The following UNC5D variants were observed in gnomAD, a reference collection of about 807,000 sequenced individuals.
UNC5D encodes netrin receptor UNC5D.
A neutral mutation model predicts 105.4 loss-of-function variants in UNC5D; 39 were observed. That is an observed-to-expected ratio of 0.37 (90% CI 0.29 to 0.48). UNC5D has a LOEUF of 0.48. Among genes scored for constraint, UNC5D ranks in the 20% least tolerant of loss-of-function variants. UNC5D has a pLI of 0.98. For synonymous variants in UNC5D, 452 were observed against 450.4 expected (o/e 1.00, Z -0.04); for missense variants, 991 against 1,202.4 (o/e 0.82, Z 2.60).
chr8:35,608,529 G>A (rs1394779305), intron 4 of UNC5D, among the ~76,000 whole-genome samples: 2 of 152,108 alleles, frequency 1.3e-5, no homozygotes, highest in Non-Finnish European at 2.9e-5. Context: ...TCACCCAAAT[G>A]ACAAGTAATT....
chr8:35,730,930 G>C, intron 10 of UNC5D, 82 bp from the exon 11 acceptor site: 1 of 1,231,028 alleles, frequency 8.1e-7, no homozygotes, highest in South Asian at 1.4e-5. Context: ...TTGTTTTCCA[G>C]GTATCTGTAA....
intron 12 of UNC5D, among the ~76,000 whole-genome samples, chr8:35,749,989 T>TTAAAAAAAAAAAAAA (rs1554600781): frequency 3.7e-5 from 5 of 136,930 alleles, no homozygotes; most frequent in African/African-American, 1.7e-4. Context: ...GAAATAGTTG[T>TTAAAAAAAAAAAAAA]AAAAAAAAAA....
chr8:35,478,211 A>T (rs1228859903), intron 1 of UNC5D, among the ~76,000 whole-genome samples: 1 of 152,116 alleles, frequency 6.6e-6, no homozygotes, highest in Non-Finnish European at 1.5e-5. Flanking sequence ...TTGAATTTTT[A>T]TTTAGAGTAT....
chr8:35,555,875 G>GCACACACACA (rs56788274), intron 2 of UNC5D, among the ~76,000 whole-genome samples: 5 of 134,172 alleles, frequency 3.7e-5, no homozygotes, highest in African/African-American at 5.5e-5. Flanking sequence ...TAAAAAAACA[G>GCACACACACA]CACACACACA....
chr8:35,617,664 A>G (rs1821112340), intron 4 of UNC5D, among the ~76,000 whole-genome samples: 1 of 152,232 alleles, frequency 6.6e-6, no homozygotes, highest in Non-Finnish European at 1.5e-5. Context: ...TCCACGGCAC[A>G]GATTACAGGC....
At chr8:35,373,487 T>C (rs1802534809) in intron 1 of UNC5D, among the ~76,000 whole-genome samples, 2 of 152,192 alleles carry the variant, frequency 1.3e-5, no homozygotes, top group Non-Finnish European at 2.9e-5. Context: ...TTAATAAACA[T>C]CACATAATAT....
intron 1 of UNC5D, among the ~76,000 whole-genome samples, chr8:35,496,672 T>C (rs1238064010): frequency 1.3e-5 from 2 of 152,200 alleles, no homozygotes; most frequent in Admixed American, 6.5e-5. Context: ...CACTTTTAAG[T>C]GTACAACTCA....
chr8:35,750,842 G>A, intron 13 of UNC5D, 33 bp downstream of exon 13: 1 of 1,610,054 alleles, frequency 6.2e-7, no homozygotes, highest in Non-Finnish European at 8.5e-7. Flanking sequence ...TTCTTTTGGT[G>A]TCATGAAAGT....
At chr8:35,687,306 G>C (rs1826075273) in intron 7 of UNC5D, among the ~76,000 whole-genome samples, 1 of 152,050 alleles carries the variant, frequency 6.6e-6, no homozygotes, top group East Asian at 1.9e-4. Context: ...GCCAGGCGTG[G>C]TGGTGGGCGC....
At position 35,793,099 on chromosome 8, in the gene UNC5D, G is replaced by A. The variant is rs1803118250; in HGVS notation, c.*2536G>A. ...TTCAATCAAATTCATCCTTCAGCCT[G>A]TCTTGTTTCTTCTTTATGTTTCTTT... is the stretch of plus-strand genomic sequence containing the variant. On this transcript the variant is annotated 3_prime_UTR_variant, in exon 17 of 17. Transcript: ENST00000404895. 1 of 453,330 alleles carries A rather than the reference G, an allele frequency of 2.2e-6. No homozygotes were observed. The highest frequency in any genetic ancestry group is 4.4e-6 in the Non-Finnish European group (1 of 225,902). The allele number at this position is 453,330 out of a possible 1,614,324, so 28.1% of individuals were successfully genotyped here.
chr8:35,410,994 G>A (rs1015835251), intron 1 of UNC5D, among the ~76,000 whole-genome samples: 1 of 152,036 alleles, frequency 6.6e-6, no homozygotes, highest in African/African-American at 2.4e-5. Flanking sequence ...TCCCTTCCCT[G>A]TAGGAAGAAG....
At chr8:35,591,487 A>G (rs1819170814) in intron 3 of UNC5D, among the ~76,000 whole-genome samples, 1 of 152,142 alleles carries the variant, frequency 6.6e-6, no homozygotes, top group Non-Finnish European at 1.5e-5. Flanking sequence ...CCAATGAGTC[A>G]TTTTGCAAAC....
At chr8:35,544,972 C>T (rs1280545885) in intron 1 of UNC5D, among the ~76,000 whole-genome samples, 1 of 152,152 alleles carries the variant, frequency 6.6e-6, no homozygotes, top group East Asian at 1.9e-4. Flanking sequence ...ATGTGCTAAA[C>T]CAGTGTCACC....
At chr8:35,276,190 A>G (rs1805767045) in intron 1 of UNC5D, among the ~76,000 whole-genome samples, 1 of 152,256 alleles carries the variant, frequency 6.6e-6, no homozygotes, top group African/African-American at 2.4e-5. Context: ...GATTTGTCCC[A>G]TAATAACATG....
chr8:35,427,384 T>C (rs1043485860), intron 1 of UNC5D, among the ~76,000 whole-genome samples: 8 of 152,304 alleles, frequency 5.3e-5, no homozygotes, highest in South Asian at 4.1e-4. Flanking sequence ...TCTTGCTAGA[T>C]GGGAAAACAG....
rs778645117 is a variant in UNC5D at position 35,595,594 on chromosome 8, A to G, written c.507A>G (p.Glu169=). Reference sequence around the variant, plus strand: ...TTGAACAAGACCCACAAGGAAGGGAAGTTCCCATTGAAGGCATGATTGTAC... The same window carrying G: ...TTGAACAAGACCCACAAGGAAGGGAGGTTCCCATTGAAGGCATGATTGTAC... ...KNFEQDPQGR[E]VPIEGMIVLH... The change falls in exon 4 of 17, where the codon GAA becomes GAG. Residue 169 remains glutamate (E), a synonymous_variant. Coordinates refer to ENST00000404895, the MANE Select transcript of UNC5D (RefSeq NM_080872.4). 6 of 1,614,080 alleles carry G rather than the reference A, an allele frequency of 3.7e-6. No individual in the cohort carries two copies. Among genetic ancestry groups the G allele is most frequent in the Non-Finnish European group, 3.4e-6 (4 of 1,179,970 alleles).
intron 1 of UNC5D, among the ~76,000 whole-genome samples, chr8:35,292,118 G>T (rs2128862499): frequency 6.6e-6 from 1 of 152,276 alleles, no homozygotes; most frequent in East Asian, 1.9e-4. Flanking sequence ...TAGCTAGAAG[G>T]AATTCTAACA....
intron 1 of UNC5D, among the ~76,000 whole-genome samples, chr8:35,271,283 G>T (rs1371598876): frequency 3.3e-5 from 4 of 120,520 alleles, no homozygotes; most frequent in African/African-American, 1.4e-4. Flanking sequence ...ATATATGTGT[G>T]TATGTATATG....
chr8:35,634,207 C>A (rs1325114313), intron 4 of UNC5D, among the ~76,000 whole-genome samples: 1 of 152,164 alleles, frequency 6.6e-6, no homozygotes, highest in Non-Finnish European at 1.5e-5. Flanking sequence ...AAACCTTAGG[C>A]ATTTTGTTTG....
Sources: gnomAD v4.1 joint callset for allele counts (sites outside exome capture counted in the v4.1 genomes callset) on GRCh38, gnomAD v4.1.1 for gene constraint, MANE v1.5 for transcripts, NCBI Gene and HGNC (gene_info 2026-07-23, HGNC 2026-07-21) for gene names.